Variants in HIVEP2 observed in about 807,000 individuals in gnomAD.
HIVEP2 encodes the protein transcription factor HIVEP2.
HIVEP2 carries 14 observed loss-of-function variants against 180.7 expected under a neutral mutation model. The ratio of observed to expected loss-of-function variants is 0.08; its 90% confidence interval spans 0.05 to 0.12. The LOEUF is 0.12. Among genes scored for constraint, HIVEP2 ranks in the 10% least tolerant of loss-of-function variants. The pLI, the probability that HIVEP2 is intolerant of heterozygous loss-of-function variation, is 1.00. For missense variants in HIVEP2, 2,579 were observed against 3,008.5 expected (o/e 0.86, Z 3.34); for synonymous variants, 1,184 against 1,136.4 (o/e 1.04, Z -0.84).
chr6:142,847,697 T>C (rs951938570), intron 1 of HIVEP2, among the ~76,000 whole-genome samples: 1 of 152,210 alleles, frequency 6.6e-6, no homozygotes, highest in Non-Finnish European at 1.5e-5. Context: ...CTGTAATAAT[T>C]CCACTGGGAT....
chr6:142,753,368 G>A lies in HIVEP2; in HGVS notation c.7080C>T (p.Asn2360=), dbSNP rs1466540850. The A allele has an allele frequency of 6.2e-7, 1 of 1,614,048 alleles. No individual in the cohort carries two copies. The highest frequency in any genetic ancestry group is 1.1e-5 in the South Asian group (1 of 91,080). ...QPARVQEPHQ[N]PLGSAHVSIR... The stretch of plus-strand genomic sequence containing the variant: ...TGCTAACATGTGCACTTCCCAGGGG[G>A]TTCTGGTGGGGCTCCTGCACCCGCG... Residue 2360 remains asparagine, a synonymous_variant, in exon 10 of 10, where the codon AAC becomes AAT. Transcript: ENST00000367603.
Position 142,774,898 on chromosome 6 carries a change from C to T in HIVEP2, c.-160G>A. 6.7e-7 allele frequency: 1 copy of T among 1,487,260 alleles called. No homozygotes were observed. Among genetic ancestry groups the T allele is most frequent in the Non-Finnish European group, 8.9e-7 (1 of 1,127,550 alleles). 92.1% of individuals were successfully genotyped at this position (1,487,260 alleles called of 1,614,324 possible). ...CTCTTTGGAACCTTCCACACGCACACCACAGTCGATGGGCATTAGCTAGTA... is the reference window on the plus strand; with the variant it reads ...CTCTTTGGAACCTTCCACACGCACATCACAGTCGATGGGCATTAGCTAGTA... On this transcript the variant is annotated 5_prime_UTR_variant, in exon 5 of 10. The change creates a new upstream start codon in the 5' untranslated region. Transcript: ENST00000367603. This position sits in a 1 kb window ranked among gnomAD's most constrained non-coding sequence, Gnocchi z 5.1.
chr6:142,855,641 T>C (rs192905461), intron 1 of HIVEP2, among the ~76,000 whole-genome samples: 5 of 152,340 alleles, frequency 3.3e-5, no homozygotes, highest in Admixed American at 3.3e-4. Context: ...TCTGCTGAGA[T>C]AGGTTTTGTT....
chr6:142,914,729 C>G (rs1423800553), intron 1 of HIVEP2, among the ~76,000 whole-genome samples: 1 of 152,218 alleles, frequency 6.6e-6, no homozygotes. Context: ...GTCTCTTCAT[C>G]AAACATAAAT....
intron 2 of HIVEP2, among the ~76,000 whole-genome samples, chr6:142,830,755 T>C (rs1396180381): frequency 6.6e-6 from 1 of 152,184 alleles, no homozygotes; most frequent in Non-Finnish European, 1.5e-5. Context: ...CTTCTCTCTT[T>C]ACCTCATGTT....
chr6:142,816,873 GGT>G (rs34958624), intron 2 of HIVEP2, among the ~76,000 whole-genome samples: 150 of 147,638 alleles, frequency 1.0e-3, no homozygotes, highest in Middle Eastern at 3.5e-3. Context: ...AGCACCAGAG[GGT>G]GTGTGTGTGT....
chr6:142,796,985 T>C (rs1776294797), intron 2 of HIVEP2, among the ~76,000 whole-genome samples: 1 of 152,210 alleles, frequency 6.6e-6, no homozygotes, highest in Non-Finnish European at 1.5e-5. Flanking sequence ...TTTACCTGTG[T>C]TTACATGTCT....
At position 142,790,706 on chromosome 6, in the gene HIVEP2, A is replaced by C. The variant is rs1212855058; in HGVS notation, c.-527-7091T>G. Among the ~76,000 whole-genome samples, 4 of 152,240 alleles carry C rather than the reference A, an allele frequency of 2.6e-5. No individual in the cohort carries two copies. The East Asian group carries it at 7.7e-4, about 29-fold the overall frequency. ...GCCGCAGTTAACTTTGAATTAAGTAAACAAAGAGAACAGAGAAATCAAATC... is the reference window on the plus strand; with the variant it reads ...GCCGCAGTTAACTTTGAATTAAGTACACAAAGAGAACAGAGAAATCAAATC... On this transcript the variant is annotated intron_variant, in intron 2 of 9. Transcript: ENST00000367603.
chr6:142,920,022 TTTA>T (rs1730051741), intron 1 of HIVEP2, among the ~76,000 whole-genome samples: 1 of 152,248 alleles, frequency 6.6e-6, no homozygotes, highest in South Asian at 2.1e-4. Flanking sequence ...ACATAAACTC[TTTA>T]AAAGTATTTC....
chr6:142,768,669 A>G (rs1775437043), intron 5 of HIVEP2, 133 bp from the exon 6 acceptor site: 2 of 765,262 alleles, frequency 2.6e-6, no homozygotes, highest in Non-Finnish European at 4.2e-6. Context: ...GTTATATAAA[A>G]TAAGGACCAC....
At chr6:142,810,354 T>C (rs1202138876) in intron 2 of HIVEP2, among the ~76,000 whole-genome samples, 1 of 152,222 alleles carries the variant, frequency 6.6e-6, no homozygotes, top group African/African-American at 2.4e-5. Context: ...ACCCCATACA[T>C]AGTCCACATC....
chr6:142,791,723 A>C (rs1307909585), intron 2 of HIVEP2, among the ~76,000 whole-genome samples: 1 of 152,200 alleles, frequency 6.6e-6, no homozygotes, highest in Non-Finnish European at 1.5e-5. Flanking sequence ...TGCCTCATTT[A>C]CCAAAAAATC....
At chr6:142,787,625 G>A (rs1213030507) in intron 2 of HIVEP2, among the ~76,000 whole-genome samples, 1 of 149,966 alleles carries the variant, frequency 6.7e-6, no homozygotes, top group Non-Finnish European at 1.5e-5. Context: ...AGTGCGTAAA[G>A]TGGCAAAGGA....
chr6:142,804,753 T>C (rs543642244), intron 2 of HIVEP2, among the ~76,000 whole-genome samples: 6 of 152,272 alleles, frequency 3.9e-5, no homozygotes, highest in Non-Finnish European at 7.4e-5. Context: ...ATAGATGGTC[T>C]GTGGGAGAAG....
chr6:142,933,069 A>G lies in HIVEP2; in HGVS notation c.-641+12030T>C, dbSNP rs533371059. ...AGTAAAATTTCTCACAAAAAGCTCA[A>G]CTGGGACCGATGATGCAGCCTGCTC... is the stretch of plus-strand genomic sequence containing the variant. On this transcript the variant is annotated intron_variant, in intron 1 of 9. Coordinates refer to ENST00000367603, the MANE Select transcript of HIVEP2 (RefSeq NM_006734.4). Among the ~76,000 whole-genome samples, 11 of 152,330 alleles carry G rather than the reference A, an allele frequency of 7.2e-5. No homozygotes were observed. In the South Asian group the frequency reaches 2.1e-3, roughly 29 times the overall value.
chr6:142,821,766 C>A (rs892990079), intron 2 of HIVEP2, among the ~76,000 whole-genome samples: 1 of 152,184 alleles, frequency 6.6e-6, no homozygotes, highest in Admixed American at 6.5e-5. Context: ...AACACCACCA[C>A]CAAAACTAGG....
intron 1 of HIVEP2, among the ~76,000 whole-genome samples, chr6:142,852,653 C>T (rs927659397): frequency 3.9e-5 from 6 of 152,206 alleles, no homozygotes; most frequent in African/African-American, 1.4e-4. Context: ...ACACCCTGAA[C>T]CCAGTTTCAA....
At chr6:142,829,087 G>A (rs1346907206) in intron 2 of HIVEP2, among the ~76,000 whole-genome samples, 1 of 152,074 alleles carries the variant, frequency 6.6e-6, no homozygotes, top group Non-Finnish European at 1.5e-5. Flanking sequence ...TCTTGGTGAT[G>A]CCATCTGTGG....
chr6:142,753,516 G>C lies in HIVEP2; in HGVS notation c.6932C>G (p.Ser2311Trp). ...CTCTGTTGCGTTTAGGCTGTCTTCC[G>C]AAGTGCTCTGTTTCATCAACAGCCG... ...SPRLLMKQSTSEDSLNATERE... is the reference protein window; with the variant it reads ...SPRLLMKQSTWEDSLNATERE... Residue 2311 changes from serine to tryptophan, a missense_variant, in exon 10 of 10, where the codon TCG becomes TGG. Ser to Trp is a radical substitution (Grantham distance 177). Transcript: ENST00000367603. 1 of 1,614,176 alleles carries C rather than the reference G, an allele frequency of 6.2e-7. No homozygotes were observed. The highest frequency in any genetic ancestry group is 8.5e-7 in the Non-Finnish European group (1 of 1,180,046).
Sources: gnomAD v4.1 joint callset for allele counts (sites outside exome capture counted in the v4.1 genomes callset) on GRCh38, gnomAD v4.1.1 for gene constraint, Gnocchi (gnomAD v3.1) non-coding constraint, MANE v1.5 for transcripts, NCBI Gene and HGNC (gene_info 2026-07-23, HGNC 2026-07-21) for gene names.